Variants in ECM1 observed in about 807,000 individuals in gnomAD.
The protein encoded by ECM1 is secretory component p85.
Under a neutral mutation model 57.9 loss-of-function variants are expected in ECM1, and 54 were observed. The ratio of observed to expected loss-of-function variants is 0.93; its 90% confidence interval spans 0.75 to 1.17. The LOEUF (loss-of-function observed/expected upper bound fraction) is 1.17, where lower values mean the gene tolerates loss of function less well. ECM1 is among the 50% of genes most tolerant of loss of function. The pLI is 0.00. For synonymous variants in ECM1, 237 were observed against 259.1 expected, an observed-to-expected ratio of 0.91 and a Z score of 0.82; for missense variants, 649 against 688.1, an observed-to-expected ratio of 0.94 and a Z score of 0.64.
rs113099347 is a variant in ECM1, at chr1:150,513,564, C to T, written c.*97C>T. 6.3e-5 allele frequency: 73 copies of T among 1,156,286 alleles called. 1 individual carries two copies. In the African/African-American group the frequency reaches 6.9e-4, roughly 11 times the overall value. The allele number at this position is 1,156,286 out of a possible 1,614,324, so 71.6% of individuals were successfully genotyped here. ...ACTAAACACCTCTTGGATTTGGTGTCCTCATTGTCTATCTAATGTCTCACC... is the reference window on the plus strand; with the variant it reads ...ACTAAACACCTCTTGGATTTGGTGTTCTCATTGTCTATCTAATGTCTCACC... On this transcript the variant is annotated 3_prime_UTR_variant, in exon 10 of 10. Coordinates refer to ENST00000369047, the MANE Select transcript of ECM1 (RefSeq NM_004425.4).
chr1:150,512,732 A>G lies in ECM1; in HGVS notation c.1312A>G (p.Ile438Val), dbSNP rs1447945212. The change falls in exon 9 of 10, where the codon ATT (isoleucine) becomes GTT (valine). Residue 438 changes from isoleucine to valine, a missense_variant. By Grantham distance (29) the Ile-to-Val change is conservative. Transcript: ENST00000369047. ...CCTTTCACACCAACATAGTAAACAT[A>G]TTCCTGGGCTGATCCACAACATGAC... ...NQRVLTKHKH[I>V]PGLIHNMTAR... 4 of 1,613,962 alleles carry G rather than the reference A, an allele frequency of 2.5e-6. No individual in the cohort carries two copies. Among genetic ancestry groups the G allele is most frequent in the Non-Finnish European group, 3.4e-6 (4 of 1,180,016 alleles).
intron 1 of ECM1, 133 bp downstream of exon 1, chr1:150,508,412 G>T: frequency 4.4e-6 from 4 of 903,360 alleles, no homozygotes; most frequent in Non-Finnish European, 7.2e-6. Flanking sequence ...CAGGCCCAAA[G>T]TGGGCCTAGG....
chr1:150,508,344 C>G (rs1670332061), intron 1 of ECM1, 65 bp downstream of exon 1: 1 of 1,445,268 alleles, frequency 6.9e-7, no homozygotes, highest in African/African-American at 1.4e-5. Flanking sequence ...TGGGTCCAGG[C>G]ATCCCAGACG....
chr1:150,509,969 C>A lies in ECM1; in HGVS notation c.271C>A (p.Leu91Met), dbSNP rs1409696750. ...QEATPLQQEK[L>M]LPAQLPAEKE... ...GGCCACCCCTCTCCAACAGGAAAAGCTGCTACCTGCCCAACTCCCTGCTGA... is the reference window on the plus strand; with the variant it reads ...GGCCACCCCTCTCCAACAGGAAAAGATGCTACCTGCCCAACTCCCTGCTGA... Residue 91 changes from leucine to methionine, a missense_variant, in exon 4 of 10, where the codon CTG becomes ATG. Physicochemically the swap from Leu to Met is conservative, Grantham distance 15. Transcript: ENST00000369047. 1 of 1,614,210 alleles carries A rather than the reference C, an allele frequency of 6.2e-7. No individual in the cohort carries two copies. The highest frequency in any genetic ancestry group is 1.7e-5 in the Admixed American group (1 of 60,032).
rs1229875919 is a variant in ECM1 at position 150,510,194 on chromosome 1, C to T, written c.385+12C>T. ...TGAACAGAAGGAAGGTAAGCAGCTCCCTCTCTTCTTTACCCACCTTTACCT... is the reference window on the plus strand; with the variant it reads ...TGAACAGAAGGAAGGTAAGCAGCTCTCTCTCTTCTTTACCCACCTTTACCT... On this transcript the variant is annotated intron_variant, in intron 5 of 9. Transcript: ENST00000369047. The T allele has an allele frequency of 1.9e-6, 3 of 1,613,372 alleles. No homozygotes were observed. The Admixed American group carries it at 5.0e-5, about 27-fold the overall frequency.
In ECM1 at chr1:150,508,264, G is replaced by C; in HGVS notation, c.55G>C (p.Ala19Pro). The change falls in exon 1 of 10, where the codon GCT (alanine) becomes CCT (proline). Residue 19 changes from alanine to proline, a missense_variant. By Grantham distance (27) the Ala-to-Pro change is conservative. Coordinates refer to ENST00000369047, the MANE Select transcript of ECM1 (RefSeq NM_004425.4). ...CTTGACCTATTTGGCTGTTGCTTCT[G>C]CTGCCTCTGAGGGAGGTGAGTTGGG... The part of the protein sequence containing the change: ...LVLTYLAVAS[A>P]ASEGGFTATG... The C allele has an allele frequency of 6.2e-7, 1 of 1,613,984 alleles. No individual in the cohort carries two copies. The highest frequency in any genetic ancestry group is 1.1e-5 in the South Asian group (1 of 91,086).
rs1057489142 is a variant in ECM1 at position 150,509,525 on chromosome 1, C to T, written c.71-6C>T. 1.9e-6 allele frequency: 3 copies of T among 1,614,180 alleles called. No individual in the cohort carries two copies. Among genetic ancestry groups the T allele is most frequent in the East Asian group, 2.2e-5 (1 of 44,888 alleles). ...GTGGCCCCTGACTTGCCCTTCTTCC[C>T]TCCAGGCTTCACGGCTACAGGACAG... On this transcript the variant is annotated splice_polypyrimidine_tract_variant and splice_region_variant and intron_variant, in intron 1 of 9. Coordinates refer to ENST00000369047, the MANE Select transcript of ECM1 (RefSeq NM_004425.4).
intron 6 of ECM1, 72 bp from the exon 7 acceptor site, chr1:150,511,385 A>C: frequency 1.2e-6 from 2 of 1,612,114 alleles, no homozygotes; most frequent in Admixed American, 1.7e-5. Context: ...CTGCCTGCCC[A>C]GTGTCCTTTC....
In ECM1 at chr1:150,511,838, G is replaced by T. The variant is rs587757373; in HGVS notation, c.1083+7G>T. ...CACCTGTACATGGAAGGCCGTAAGTGGGCGTCCCAGCCTCCCTGAGAGCCT... is the reference window on the plus strand; with the variant it reads ...CACCTGTACATGGAAGGCCGTAAGTTGGCGTCCCAGCCTCCCTGAGAGCCT... On this transcript the variant is annotated splice_region_variant and intron_variant, in intron 7 of 9. Transcript: ENST00000369047. 1 of 1,595,154 alleles carries T rather than the reference G, an allele frequency of 6.3e-7. No individual in the cohort carries two copies. Among genetic ancestry groups the T allele is most frequent in the Non-Finnish European group, 8.6e-7 (1 of 1,169,440 alleles).
Position 150,508,242 on chromosome 1 carries a change from G to T in ECM1, c.33G>T (p.Leu11Phe). MGTTARAALV[L>F]TYLAVASAAS... The stretch of plus-strand genomic sequence containing the variant: ...CCACAGCCAGAGCAGCCTTGGTCTT[G>T]ACCTATTTGGCTGTTGCTTCTGCTG... The change falls in exon 1 of 10, where the codon TTG becomes TTT. Residue 11 changes from leucine to phenylalanine, a missense_variant. By Grantham distance (22) the Leu-to-Phe change is conservative. Transcript: ENST00000369047. 1.2e-6 allele frequency: 2 copies of T among 1,614,094 alleles called. No homozygotes were observed. The highest frequency in any genetic ancestry group is 2.2e-5 in the South Asian group (2 of 91,080).
chr1:150,510,043 G>A, intron 4 of ECM1, 41 bp downstream of exon 4: 1 of 1,613,896 alleles, frequency 6.2e-7, no homozygotes, highest in Non-Finnish European at 8.5e-7. Flanking sequence ...ATCCCACTAT[G>A]GATCCTGTTG....
Position 150,511,560 on chromosome 1 carries a change from A to G in ECM1, c.812A>G (p.Gln271Arg). Residue 271 changes from glutamine to arginine, a missense_variant, in exon 7 of 10, where the codon CAG becomes CGG. Transcript: ENST00000369047. ...RQGEARFSCF[Q>R]EEAPQPHYQL... ...GGGGAGGCTCGGTTCTCCTGCTTCCAGGAGGAAGCTCCCCAGCCACACTAC... is the reference window on the plus strand; with the variant it reads ...GGGGAGGCTCGGTTCTCCTGCTTCCGGGAGGAAGCTCCCCAGCCACACTAC... 1.2e-6 allele frequency: 2 copies of G among 1,614,156 alleles called. No homozygotes were observed. The highest frequency in any genetic ancestry group is 1.7e-6 in the Non-Finnish European group (2 of 1,180,014).
chr1:150,513,197 TC>T, intron 9 of ECM1, 39 bp from the exon 10 acceptor site: 1 of 1,604,990 alleles, frequency 6.2e-7, no homozygotes, highest in Non-Finnish European at 8.5e-7. Flanking sequence ...TTGGACCACC[TC>T]CCCACCCCAT....
chr1:150,511,866 T>G (rs1560266478), intron 7 of ECM1, 35 bp downstream of exon 7: 6 of 1,573,972 alleles, frequency 3.8e-6, no homozygotes, highest in Middle Eastern at 1.9e-4. Flanking sequence ...GAGAGCCTGT[T>G]TGCCTGCCTG....
chr1:150,511,876 G>T, intron 7 of ECM1, 45 bp downstream of exon 7: 2 of 1,564,220 alleles, frequency 1.3e-6, no homozygotes, highest in Non-Finnish European at 1.7e-6. Flanking sequence ...TTGCCTGCCT[G>T]CCCATCTTCG....
At position 150,513,385 on chromosome 1, in the gene ECM1, C is replaced by G; in HGVS notation, c.1541C>G (p.Thr514Ser). Residue 514 changes from threonine to serine, a missense_variant, in exon 10 of 10, where the codon ACT becomes AGT. Physicochemically the swap from Thr to Ser is moderately conservative, Grantham distance 58. Transcript: ENST00000369047. ...AACGTGGCTCTAGTGTCTGGAGACACTGAGAACGCCAAGGGCCAGGGGGAG... is the reference window on the plus strand; with the variant it reads ...AACGTGGCTCTAGTGTCTGGAGACAGTGAGAACGCCAAGGGCCAGGGGGAG... ...LRNVALVSGDTENAKGQGEQG... is the reference protein window; with the variant it reads ...LRNVALVSGDSENAKGQGEQG... 1 of 1,614,250 alleles carries G rather than the reference C, an allele frequency of 6.2e-7. No homozygotes were observed. The highest frequency in any genetic ancestry group is 2.2e-5 in the East Asian group (1 of 44,894).
At chr1:150,510,778 T>C (rs911568053) in intron 5 of ECM1, 98 bp from the exon 6 acceptor site, 3 of 1,266,952 alleles carry the variant, frequency 2.4e-6, no homozygotes, top group East Asian at 2.3e-5. Flanking sequence ...CTCCCAACCC[T>C]TTCTCCTCCA....
In ECM1 at chr1:150,512,418, T is replaced by G. The variant is rs1160484825; in HGVS notation, c.1150T>G (p.Cys384Gly). 1 of 1,613,572 alleles carries G rather than the reference T, an allele frequency of 6.2e-7. No individual in the cohort carries two copies. Among genetic ancestry groups the G allele is most frequent in the Non-Finnish European group, 8.5e-7 (1 of 1,179,922 alleles). The change falls in exon 8 of 10, where the codon TGC (cysteine) becomes GGC (glycine). Residue 384 changes from cysteine (C) to glycine (G), a missense_variant. Transcript: ENST00000369047. ...YAVKTHHHLC[C>G]RHPPSPTRDE... is the part of the protein sequence containing the mutation. ...TGTGAAGACCCACCACCACTTGTGT[T>G]GCCGCCACCCTCCCAGCCCTACTCG...
intron 6 of ECM1, 40 bp downstream of exon 6, chr1:150,511,238 C>T: frequency 6.2e-7 from 1 of 1,611,532 alleles, no homozygotes; most frequent in South Asian, 1.1e-5. Context: ...GTCCTTTAAC[C>T]CCAGACAGTA....
Sources: allele counts gnomAD v4.1 joint callset, GRCh38; gene constraint gnomAD v4.1.1; transcripts MANE v1.5; gene names NCBI Gene and HGNC (gene_info 2026-07-23, HGNC 2026-07-21).